Variants in LRRC4C observed in about 807,000 individuals in gnomAD.
LRRC4C encodes leucine rich repeat containing 4C, also known as leucine-rich repeat-containing protein 4C.
Under a neutral mutation model 33.6 loss-of-function variants are expected in LRRC4C, and 5 were observed. The observed-to-expected ratio is 0.15, with a 90% CI of 0.08 to 0.31. The LOEUF (loss-of-function observed/expected upper bound fraction) is 0.31, where lower values mean the gene tolerates loss of function less well. Ranked by LOEUF, LRRC4C falls within the 10% of genes least tolerant of loss-of-function variation. LRRC4C has a pLI of 1.00. For missense variants in LRRC4C, 560 were observed against 796.7 expected (o/e 0.70, Z 3.58); for synonymous variants, 329 against 302.0 (o/e 1.09, Z -0.93).
intron 3 of LRRC4C, among the ~76,000 whole-genome samples, chr11:40,451,409 A>G: frequency 1.2e-5 from 1 of 83,188 alleles, no homozygotes; most frequent in Non-Finnish European, 2.1e-5. Flanking sequence ...TTTTTGAGAC[A>G]GAGTCTCACT....
At chr11:40,925,767 G>A (rs1246323997) in intron 2 of LRRC4C, among the ~76,000 whole-genome samples, 2 of 152,162 alleles carry the variant, frequency 1.3e-5, no homozygotes, top group Non-Finnish European at 2.9e-5. Flanking sequence ...TTTATTGTCT[G>A]TAAATTGGAG....
chr11:41,257,887 C>T (rs966778286), intron 1 of LRRC4C, among the ~76,000 whole-genome samples: 2 of 151,962 alleles, frequency 1.3e-5, no homozygotes, highest in Non-Finnish European at 2.9e-5. Flanking sequence ...TAATGCCTGC[C>T]TCAGAGGAAG....
At chr11:41,296,828 G>T (rs572626218) in intron 1 of LRRC4C, among the ~76,000 whole-genome samples, 1 of 152,070 alleles carries the variant, frequency 6.6e-6, no homozygotes, top group Non-Finnish European at 1.5e-5. Flanking sequence ...AAAGGCTATG[G>T]TATATCTACT....
chr11:40,618,137 AT>A (rs1186107596), intron 3 of LRRC4C, among the ~76,000 whole-genome samples: 1 of 151,662 alleles, frequency 6.6e-6, no homozygotes, highest in African/African-American at 2.4e-5. Flanking sequence ...ATGTGACCTT[AT>A]TTGGAAATAG....
intron 2 of LRRC4C, among the ~76,000 whole-genome samples, chr11:40,846,296 GT>G (rs1565127322): frequency 6.6e-6 from 1 of 152,060 alleles, no homozygotes; most frequent in Non-Finnish European, 1.5e-5. Context: ...TTCTTGTAGG[GT>G]TTTTATGGTT....
chr11:40,575,045 A>C (rs772783850), intron 3 of LRRC4C, among the ~76,000 whole-genome samples: 1 of 152,218 alleles, frequency 6.6e-6, no homozygotes, highest in Non-Finnish European at 1.5e-5. Context: ...GAGCCTCAGC[A>C]GGTTCACCCA....
At chr11:41,252,583 T>C (rs904088351) in intron 1 of LRRC4C, among the ~76,000 whole-genome samples, 1 of 152,156 alleles carries the variant, frequency 6.6e-6, no homozygotes, top group Non-Finnish European at 1.5e-5. Flanking sequence ...ACTGACTCTG[T>C]TTTTGTAATA....
At chr11:40,883,638 T>G (rs1483425702) in intron 2 of LRRC4C, among the ~76,000 whole-genome samples, 2 of 151,910 alleles carry the variant, frequency 1.3e-5, no homozygotes, top group Non-Finnish European at 2.9e-5. Context: ...ATTAAACATA[T>G]ATAATTAAAT....
chr11:41,403,730 G>A (rs1263567171), intron 1 of LRRC4C, among the ~76,000 whole-genome samples: 2 of 152,008 alleles, frequency 1.3e-5, no homozygotes, highest in African/African-American at 4.8e-5. Context: ...TAACACGAGG[G>A]CTGATTTTTG....
At chr11:40,429,875 C>A (rs527959965) in intron 3 of LRRC4C, among the ~76,000 whole-genome samples, 44 of 152,256 alleles carry the variant, frequency 2.9e-4, no homozygotes, top group African/African-American at 8.7e-4. Context: ...CCAACTTTCT[C>A]CTTTTGCTCT....
At chr11:40,892,920 T>C (rs1955784759) in intron 2 of LRRC4C, among the ~76,000 whole-genome samples, 1 of 152,194 alleles carries the variant, frequency 6.6e-6, no homozygotes, top group African/African-American at 2.4e-5. Flanking sequence ...CATTTATGAA[T>C]GGTTAAAATG....
chr11:40,355,977 CAGTATAGTAT>C (rs1555030021), intron 3 of LRRC4C, among the ~76,000 whole-genome samples: 1 of 108,126 alleles, frequency 9.2e-6, no homozygotes. Context: ...TAGTATAGTA[CAGTATAGTAT>C]AGTATAGTAT....
At position 40,510,789 on chromosome 11, in the gene LRRC4C, G is replaced by C. The variant is rs567990854; in HGVS notation, c.-270+137353C>G. Among the ~76,000 whole-genome samples, 7 of 152,206 alleles carry C rather than the reference G, an allele frequency of 4.6e-5. No individual in the cohort carries two copies. In the South Asian group the frequency reaches 6.2e-4, roughly 14 times the overall value. Reference sequence around the variant, plus strand: ...GGACTTTGAAGAGGAGTAGTATATAGAGAGTCTAGAGAGATGGCGAAATAG... The same window carrying C: ...GGACTTTGAAGAGGAGTAGTATATACAGAGTCTAGAGAGATGGCGAAATAG... On this transcript the variant is annotated intron_variant, in intron 3 of 6. Coordinates refer to ENST00000528697, the MANE Select transcript of LRRC4C (RefSeq NM_001258419.2).
chr11:40,443,352 C>T (rs947395827), intron 3 of LRRC4C, among the ~76,000 whole-genome samples: 1 of 152,096 alleles, frequency 6.6e-6, no homozygotes, highest in African/African-American at 2.4e-5. Flanking sequence ...CAAATATAGA[C>T]CTTAAGTAAA....
intron 1 of LRRC4C, among the ~76,000 whole-genome samples, chr11:41,352,111 T>A (rs1408609212): frequency 6.6e-6 from 1 of 152,148 alleles, no homozygotes; most frequent in African/African-American, 2.4e-5. Flanking sequence ...CATGCTATCT[T>A]CAGGAGACCC....
chr11:40,356,604 T>G (rs1947683544), intron 3 of LRRC4C, among the ~76,000 whole-genome samples: 1 of 152,126 alleles, frequency 6.6e-6, no homozygotes, highest in Admixed American at 6.5e-5. Context: ...CTATTGAACC[T>G]ATGAGGAATT....
chr11:40,612,180 T>C (rs1478100450), intron 3 of LRRC4C, among the ~76,000 whole-genome samples: 1 of 151,900 alleles, frequency 6.6e-6, no homozygotes, highest in African/African-American at 2.4e-5. Context: ...AAATGTGGTA[T>C]ATACATGCAA....
At chr11:41,296,582 T>G (rs1408506989) in intron 1 of LRRC4C, among the ~76,000 whole-genome samples, 2 of 152,178 alleles carry the variant, frequency 1.3e-5, no homozygotes, top group Non-Finnish European at 2.9e-5. Context: ...CCCAGTGTGC[T>G]GGGATTACAG....
At chr11:40,247,372 A>G (rs1394377724) in intron 4 of LRRC4C, among the ~76,000 whole-genome samples, 1 of 152,212 alleles carries the variant, frequency 6.6e-6, no homozygotes, top group Non-Finnish European at 1.5e-5. Context: ...CTCCCAACAC[A>G]GGACTGACCA....
Sources: gnomAD v4.1 joint callset for allele counts (sites outside exome capture counted in the v4.1 genomes callset) on GRCh38, gnomAD v4.1.1 for gene constraint, MANE v1.5 for transcripts, NCBI Gene and HGNC (gene_info 2026-07-23, HGNC 2026-07-21) for gene names.